TMCO5A: variants seen among roughly 807,000 people sequenced by gnomAD.
The protein encoded by TMCO5A is transmembrane and coiled-coil domains 5A, also known as transmembrane and coiled-coil domain-containing protein 5A.
In TMCO5A, 34 loss-of-function variants were observed where a neutral mutation model predicts 42.3. That is an observed-to-expected ratio of 0.80 (90% CI 0.61 to 1.07). The LOEUF (loss-of-function observed/expected upper bound fraction) is 1.07, where lower values mean the gene tolerates loss of function less well. Ranked by LOEUF, TMCO5A falls within the 50% of genes least tolerant of loss-of-function variation. The probability of loss-of-function intolerance (pLI) is 0.00; values close to 1 mark genes in which losing one functional copy is unlikely to be tolerated. For synonymous variants in TMCO5A, 131 were observed against 115.6 expected, an observed-to-expected ratio of 1.13 and a Z score of -0.86; for missense variants, 357 against 327.9, an observed-to-expected ratio of 1.09 and a Z score of -0.69.
chr15:37,992,613 T>C, the TMCO5A span, among the ~76,000 whole-genome samples: 6 of 152,210 alleles, frequency 3.9e-5, no homozygotes, highest in East Asian at 5.8e-4. Flanking sequence ...CTATCAATGG[T>C]AGATTAGATT....
intron 11 of TMCO5A, among the ~76,000 whole-genome samples, chr15:37,963,098 G>T (rs1342570870): frequency 1.3e-5 from 2 of 151,922 alleles, no homozygotes; most frequent in Non-Finnish European, 2.9e-5. Flanking sequence ...GCTGGGTTTG[G>T]TGTGGTTTGT....
At chr15:38,010,226 A>T in the TMCO5A span, among the ~76,000 whole-genome samples, 1 of 151,648 alleles carries the variant, frequency 6.6e-6, no homozygotes, top group Non-Finnish European at 1.5e-5. Flanking sequence ...AATACAAAAA[A>T]TTAGCCGGGC....
intron 11 of TMCO5A, among the ~76,000 whole-genome samples, chr15:37,949,305 A>G (rs1478760106): frequency 6.6e-6 from 1 of 152,184 alleles, no homozygotes; most frequent in Non-Finnish European, 1.5e-5. Context: ...CTCAATTTCA[A>G]TCAAACTCTC....
chr15:38,035,960 TCCTCCCTCCCAG>T, the TMCO5A span, among the ~76,000 whole-genome samples: 60 of 152,110 alleles, frequency 3.9e-4, no homozygotes, highest in Non-Finnish European at 7.6e-4. Context: ...CTATTTCCCT[TCCTCCCTCCCAG>T]CTAAACTTCT....
At chr15:37,959,401 A>G (rs961660366) in intron 11 of TMCO5A, among the ~76,000 whole-genome samples, 1 of 152,044 alleles carries the variant, frequency 6.6e-6, no homozygotes, top group Non-Finnish European at 1.5e-5. Context: ...AGACACGTCA[A>G]AAAAGAAAAC....
chr15:37,980,741 G>A, the TMCO5A span, among the ~76,000 whole-genome samples: 3 of 151,548 alleles, frequency 2.0e-5, no homozygotes, highest in Non-Finnish European at 4.4e-5. Flanking sequence ...TTCCCACTGG[G>A]TGGCCAATGC....
downstream of TMCO5A, among the ~76,000 whole-genome samples, chr15:37,955,531 A>G (rs954708902): frequency 6.6e-6 from 1 of 152,182 alleles, no homozygotes; most frequent in Non-Finnish European, 1.5e-5. Flanking sequence ...GATCAATGCA[A>G]CATGAAAAGC....
At chr15:37,970,633 A>G (rs1890655288), downstream of TMCO5A, among the ~76,000 whole-genome samples, 1 of 152,244 alleles carries the variant, frequency 6.6e-6, no homozygotes, top group Non-Finnish European at 1.5e-5. Flanking sequence ...CCTTCTGCCT[A>G]TGAGACTGTA....
intron 11 of TMCO5A, among the ~76,000 whole-genome samples, chr15:37,950,339 TAAAGA>T (rs891832334): frequency 2.6e-5 from 4 of 152,136 alleles, no homozygotes; most frequent in Non-Finnish European, 4.4e-5. Context: ...CGATCCTAAT[TAAAGA>T]AAAGATGGAC....
chr15:38,005,160 T>A, the TMCO5A span, among the ~76,000 whole-genome samples: 3 of 151,272 alleles, frequency 2.0e-5, no homozygotes, highest in African/African-American at 7.3e-5. Context: ...CAACCTTTAT[T>A]CCTAAGGGCA....
intron 10 of TMCO5A, among the ~76,000 whole-genome samples, chr15:37,945,597 G>A: frequency 6.6e-6 from 1 of 152,160 alleles, no homozygotes; most frequent in South Asian, 2.1e-4. Context: ...TTTCATTGTG[G>A]TTTTGATTTG....
chr15:38,016,242 T>C, the TMCO5A span, among the ~76,000 whole-genome samples: 2 of 152,192 alleles, frequency 1.3e-5, no homozygotes, highest in African/African-American at 4.8e-5. Context: ...TAAAGTCTAT[T>C]TTTTAATGGG....
chr15:38,007,936 C>T, the TMCO5A span, among the ~76,000 whole-genome samples: 1,166 of 115,486 alleles, frequency 0.01, 5 homozygotes, highest in Middle Eastern at 0.044. Context: ...CTCTCTGTTG[C>T]CCAGGCTGGA....
chr15:37,983,719 GT>G, the TMCO5A span, among the ~76,000 whole-genome samples: 3,508 of 138,906 alleles, frequency 0.025, 143 homozygotes, highest in African/African-American at 0.087. Context: ...TCTTTTTACT[GT>G]TTTTTTTTTT....
the TMCO5A span, among the ~76,000 whole-genome samples, chr15:37,989,673 TG>T: frequency 6.6e-6 from 1 of 152,094 alleles, no homozygotes; most frequent in Non-Finnish European, 1.5e-5. Context: ...AATACATTTG[TG>T]CTGCTATAAC....
intron 11 of TMCO5A, among the ~76,000 whole-genome samples, chr15:37,949,052 A>G (rs1293128477): frequency 6.6e-6 from 1 of 152,056 alleles, no homozygotes; most frequent in Non-Finnish European, 1.5e-5. Flanking sequence ...ATCCCAAAAC[A>G]GCTGGGTAAG....
At chr15:38,006,925 C>T in the TMCO5A span, among the ~76,000 whole-genome samples, 5 of 151,750 alleles carry the variant, frequency 3.3e-5, no homozygotes, top group Non-Finnish European at 7.4e-5. Context: ...GTCACAACAA[C>T]TCAAATCTGC....
intron 11 of TMCO5A, among the ~76,000 whole-genome samples, chr15:37,961,209 A>T (rs111915279): frequency 0.022 from 3,384 of 152,174 alleles, 140 homozygotes; most frequent in African/African-American, 0.079. Flanking sequence ...TCTCGAGTTG[A>T]TTTTTGTATA....
At chr15:37,974,699 C>A in the TMCO5A span, among the ~76,000 whole-genome samples, 1 of 152,068 alleles carries the variant, frequency 6.6e-6, no homozygotes, top group Non-Finnish European at 1.5e-5. Flanking sequence ...AAAACCAACT[C>A]CTGATGTGTT....
Sources: allele counts gnomAD v4.1 joint callset (sites outside exome capture counted in the v4.1 genomes callset), GRCh38; gene constraint gnomAD v4.1.1; transcripts MANE v1.5; gene names NCBI Gene and HGNC (gene_info 2026-07-23, HGNC 2026-07-21).